NRCAM: variants seen among roughly 807,000 people sequenced by gnomAD.
The protein encoded by NRCAM is neuronal cell adhesion molecule, also known as NgCAM-related cell adhesion molecule.
NRCAM carries 83 observed loss-of-function variants against 156.5 expected under a neutral mutation model. The ratio of observed to expected loss-of-function variants is 0.53; its 90% confidence interval spans 0.44 to 0.64. NRCAM has a LOEUF of 0.64. Among genes scored for constraint, NRCAM ranks in the 30% least tolerant of loss-of-function variants. The pLI is 0.00. For synonymous variants in NRCAM, 538 were observed against 563.9 expected (o/e 0.95, Z 0.65); for missense variants, 1,417 against 1,597.3 (o/e 0.89, Z 1.92).
chr7:108,280,163 A>T (rs1269672), intron 3 of NRCAM, among the ~76,000 whole-genome samples: 135,341 of 152,264 alleles, frequency 0.89, 60,277 homozygotes, highest in African/African-American at 0.92. Flanking sequence ...CCTGATCTCA[A>T]CATCAGTAGG....
intron 8 of NRCAM, among the ~76,000 whole-genome samples, chr7:108,229,494 C>A (rs1406020069): frequency 6.6e-6 from 1 of 152,034 alleles, no homozygotes; most frequent in African/African-American, 2.4e-5. Context: ...TTCCTTTTTT[C>A]CTTCAGTGAC....
At position 108,373,492 on chromosome 7, in the gene NRCAM, A is replaced by T. The variant is rs758742833; in HGVS notation, c.-174+25944T>A. ...GGGAGCTACAGCTACCTTACTTTCAATTTCAGATCCAAATCTACCATGATG... is the reference window on the plus strand; with the variant it reads ...GGGAGCTACAGCTACCTTACTTTCATTTTCAGATCCAAATCTACCATGATG... On this transcript the variant is annotated intron_variant, in intron 2 of 32. Coordinates refer to ENST00000379028, the MANE Select transcript of NRCAM (RefSeq NM_001037132.4). Among the ~76,000 whole-genome samples the T allele has an allele frequency of 2.6e-5, 4 of 152,324 alleles. No homozygotes were observed. The East Asian group carries it at 7.7e-4, about 29-fold the overall frequency.
chr7:108,446,729 T>C (rs1034865582), intron 1 of NRCAM, among the ~76,000 whole-genome samples: 8 of 102,526 alleles, frequency 7.8e-5, no homozygotes, highest in Non-Finnish European at 1.4e-4. Flanking sequence ...TTACAACCTA[T>C]GTCTTTTTTT....
At chr7:108,298,823 C>A (rs368841609) in intron 3 of NRCAM, among the ~76,000 whole-genome samples, 1 of 151,084 alleles carries the variant, frequency 6.6e-6, no homozygotes, top group East Asian at 2.0e-4. Context: ...AACACAAATA[C>A]GGGGCCAGGC....
Position 108,181,873 on chromosome 7 carries a change from G to A in NRCAM, c.2595C>T (p.His865=), listed in dbSNP as rs2063679506. The change falls in exon 24 of 33, where the codon CAC becomes CAT. Residue 865 remains histidine, a synonymous_variant. Transcript: ENST00000379028. ...NVVNSTLAEV[H]WDPVPLKSIR... is the part of the protein sequence containing the mutation. ...TGCTTTTCAGAGGTACTGGGTCCCA[G>A]TGCACCTCGGCTAAGGTACTGTTCA... 6.2e-7 allele frequency: 1 copy of A among 1,614,032 alleles called. No homozygotes were observed. The highest frequency in any genetic ancestry group is 1.1e-5 in the South Asian group (1 of 91,078).
chr7:108,227,596 G>C (rs2093681950), intron 8 of NRCAM, among the ~76,000 whole-genome samples: 1 of 152,174 alleles, frequency 6.6e-6, no homozygotes, highest in Non-Finnish European at 1.5e-5. Context: ...AGGATGCAGG[G>C]AGGTGGAACG....
chr7:108,344,014 C>T (rs1335175221), intron 2 of NRCAM, among the ~76,000 whole-genome samples: 4 of 152,150 alleles, frequency 2.6e-5, no homozygotes, highest in Non-Finnish European at 5.9e-5. Flanking sequence ...CCTGCTAGCC[C>T]ATGCTCTGAT....
At chr7:108,208,340 C>T (rs774099641) in intron 12 of NRCAM, among the ~76,000 whole-genome samples, 18 of 151,822 alleles carry the variant, frequency 1.2e-4, no homozygotes, top group Non-Finnish European at 2.2e-4. Flanking sequence ...AAATTCTGAG[C>T]CCTGTAGAAT....
intron 1 of NRCAM, among the ~76,000 whole-genome samples, chr7:108,452,412 G>A (rs186554883): frequency 2.0e-5 from 3 of 152,196 alleles, no homozygotes; most frequent in East Asian, 3.9e-4. Context: ...ATGCTGTGGG[G>A]GGGGGAAGAA....
chr7:108,199,427 C>A (rs1265327778), intron 13 of NRCAM, among the ~76,000 whole-genome samples: 2 of 152,348 alleles, frequency 1.3e-5, no homozygotes, highest in East Asian at 3.9e-4. Context: ...CACAAATTTA[C>A]TGTCATACAG....
chr7:108,412,406 A>G (rs144285744), intron 1 of NRCAM, among the ~76,000 whole-genome samples: 1 of 118,144 alleles, frequency 8.5e-6, no homozygotes, highest in Non-Finnish European at 1.8e-5. Flanking sequence ...TAGTCACTTT[A>G]TTGTATTTTT....
chr7:108,312,557 A>G (rs1278960783), intron 3 of NRCAM, 108 bp downstream of exon 3: 1 of 152,174 alleles, frequency 6.6e-6, no homozygotes, highest in Non-Finnish European at 1.5e-5. Context: ...TACTCTCTGG[A>G]TTGAAAAGTA....
intron 3 of NRCAM, among the ~76,000 whole-genome samples, chr7:108,304,314 G>C (rs2098681381): frequency 6.6e-6 from 1 of 151,532 alleles, no homozygotes; most frequent in African/African-American, 2.4e-5. Flanking sequence ...GTACCTACTG[G>C]TCACCACTCT....
At chr7:108,270,510 CT>C (rs947647339) in intron 3 of NRCAM, among the ~76,000 whole-genome samples, 5 of 149,148 alleles carry the variant, frequency 3.4e-5, no homozygotes, top group South Asian at 2.2e-4. Flanking sequence ...TAGTAACAGA[CT>C]TTTTTTTTTA....
At chr7:108,329,267 T>C (rs1441131147) in intron 2 of NRCAM, among the ~76,000 whole-genome samples, 1 of 152,182 alleles carries the variant, frequency 6.6e-6, no homozygotes, top group Non-Finnish European at 1.5e-5. Context: ...AAATAATGAA[T>C]AGTGAGCTGG....
intron 32 of NRCAM, among the ~76,000 whole-genome samples, chr7:108,158,707 G>A (rs977436030): frequency 6.6e-6 from 1 of 152,050 alleles, no homozygotes; most frequent in Non-Finnish European, 1.5e-5. Flanking sequence ...TTTTAAAAAG[G>A]TATACTTTTA....
intron 2 of NRCAM, among the ~76,000 whole-genome samples, chr7:108,369,293 T>C (rs1313165222): frequency 1.3e-5 from 2 of 152,040 alleles, no homozygotes; most frequent in African/African-American, 4.8e-5. Flanking sequence ...GACACTAATA[T>C]ATAATTCTTA....
At position 108,194,187 on chromosome 7, in the gene NRCAM, A is replaced by G. The variant is rs956552856; in HGVS notation, c.1631-16T>C. 9 of 1,613,088 alleles carry G rather than the reference A, an allele frequency of 5.6e-6. No homozygotes were observed. The highest frequency in any genetic ancestry group is 7.6e-6 in the Non-Finnish European group (9 of 1,179,094). On this transcript the variant is annotated splice_polypyrimidine_tract_variant and intron_variant, in intron 16 of 32. Coordinates refer to ENST00000379028, the MANE Select transcript of NRCAM (RefSeq NM_001037132.4). ...CATGTAGGATCTGAAATGTAGAGTC[A>G]TCGTTATCCATTTGGCAAAGCTGGA...
At chr7:108,294,155 C>A (rs575959155) in intron 3 of NRCAM, among the ~76,000 whole-genome samples, 47 of 147,584 alleles carry the variant, frequency 3.2e-4, no homozygotes, top group Non-Finnish European at 3.6e-4. Context: ...TGATTTTGGG[C>A]TCCAGCAGCC....
Sources: allele counts gnomAD v4.1 joint callset (sites outside exome capture counted in the v4.1 genomes callset), GRCh38; gene constraint gnomAD v4.1.1; transcripts MANE v1.5; gene names NCBI Gene and HGNC (gene_info 2026-07-23, HGNC 2026-07-21).